ZRSR2: variants seen among roughly 807,000 people sequenced by gnomAD.
ZRSR2 encodes U2 small nuclear ribonucleoprotein auxiliary factor 35 kDa subunit-related protein 2.
A neutral mutation model predicts 39.4 loss-of-function variants in ZRSR2; 3 were observed. The observed-to-expected ratio is 0.08, with a 90% CI of 0.03 to 0.20. The LOEUF (loss-of-function observed/expected upper bound fraction) is 0.20, where lower values mean the gene tolerates loss of function less well. Ranked by LOEUF, ZRSR2 falls within the 10% of genes least tolerant of loss-of-function variation. ZRSR2 has a pLI of 1.00. For synonymous variants in ZRSR2, 137 were observed against 136.0 expected, an observed-to-expected ratio of 1.01 and a Z score of -0.05; for missense variants, 256 against 391.5, an observed-to-expected ratio of 0.65 and a Z score of 2.92.
intron 2 of ZRSR2, among the ~76,000 whole-genome samples, chrX:15,791,752 G>A (rs1396789373): frequency 2.8e-5 from 3 of 106,965 alleles, no homozygotes; most frequent in Admixed American, 1.0e-4. Context: ...CGCCCCCTGG[G>A]TTCAAGCAGT....
intron 7 of ZRSR2, among the ~76,000 whole-genome samples, chrX:15,815,436 A>G (rs1412168231): frequency 8.9e-6 from 1 of 112,349 alleles, no homozygotes; most frequent in African/African-American, 3.2e-5. Flanking sequence ...AGCTGGGATT[A>G]TAGGCACTAC....
chrX:15,807,370 A>G (rs1932805672), intron 5 of ZRSR2, among the ~76,000 whole-genome samples: 1 of 109,318 alleles, frequency 9.1e-6, no homozygotes, highest in African/African-American at 3.3e-5. Flanking sequence ...GCTCACTGCA[A>G]CCTCTGCCTC....
At chrX:15,803,345 A>C (rs1347421238) in intron 3 of ZRSR2, among the ~76,000 whole-genome samples, 1 of 111,833 alleles carries the variant, frequency 8.9e-6, no homozygotes, top group East Asian at 2.8e-4. Context: ...TGCTGCTTTG[A>C]AACTTGCTAC....
In ZRSR2 at chrX:15,822,867, G is replaced by C. The variant is rs764350747; in HGVS notation, c.1074G>C (p.Gly358=). 6 of 1,211,061 alleles carry C rather than the reference G, an allele frequency of 5.0e-6. No individual in the cohort carries two copies. Among genetic ancestry groups the C allele is most frequent in the African/African-American group, 3.5e-5 (2 of 57,481 alleles). ...CAGATCGGACTGGCTCCTCCTTTGGGAAGAACTCCGAAAGGAGGGAGAGGA... is the reference window on the plus strand; with the variant it reads ...CAGATCGGACTGGCTCCTCCTTTGGCAAGAACTCCGAAAGGAGGGAGAGGA... ...LSPDRTGSSF[G]KNSERRERMG... is the part of the protein sequence containing the mutation. Residue 358 remains glycine (G), a synonymous_variant, in exon 11 of 11, where the codon GGG becomes GGC. Transcript: ENST00000307771.
At chrX:15,807,440 C>T (rs143041783) in intron 5 of ZRSR2, among the ~76,000 whole-genome samples, 1,900 of 108,997 alleles carry the variant, frequency 0.017, 37 homozygotes, top group African/African-American at 0.061. Context: ...CAGGCACGTG[C>T]CACCACACCT....
chrX:15,796,381 G>A (rs912952648), intron 2 of ZRSR2, among the ~76,000 whole-genome samples: 3 of 112,347 alleles, frequency 2.7e-5, no homozygotes, highest in Middle Eastern at 4.2e-3. Flanking sequence ...GATGAGTAGT[G>A]TCACAAGGTG....
intron 1 of ZRSR2, 147 bp downstream of exon 1, chrX:15,790,683 C>G (rs1351315174): frequency 1.2e-6 from 1 of 860,334 alleles, no homozygotes; most frequent in African/African-American, 2.1e-5. Flanking sequence ...CTGGTGCCCT[C>G]CCCGGACTTG....
At chrX:15,804,892 A>T (rs1156356986) in intron 5 of ZRSR2, among the ~76,000 whole-genome samples, 3 of 105,066 alleles carry the variant, frequency 2.9e-5, no homozygotes, top group East Asian at 6.1e-4. Flanking sequence ...AAAAAAAAAA[A>T]TCTGTGAGGC....
chrX:15,812,522 GGTT>G (rs1357758093), intron 7 of ZRSR2, among the ~76,000 whole-genome samples: 5 of 111,745 alleles, frequency 4.5e-5, no homozygotes, highest in Non-Finnish European at 9.4e-5. Context: ...TTCTTTGGCT[GGTT>G]GTTTTTGTAA....
chrX:15,812,608 AT>A (rs1932904175), intron 7 of ZRSR2, among the ~76,000 whole-genome samples: 1 of 111,813 alleles, frequency 8.9e-6, no homozygotes. Flanking sequence ...AGGGGAATCT[AT>A]TTGTTTTTCT....
In ZRSR2 at chrX:15,803,706, G is replaced by A. The variant is rs760476569; in HGVS notation, c.222G>A (p.Glu74=). 1 of 1,203,689 alleles carries A rather than the reference G, an allele frequency of 8.3e-7. No homozygotes were observed. Among genetic ancestry groups the A allele is most frequent in the African/African-American group, 1.7e-5 (1 of 57,516 alleles). ...LERERQRLHE[E]WLLREQKAQE... is the part of the protein sequence containing the mutation. The stretch of plus-strand genomic sequence containing the variant: ...CTGATAGGCAAAGATTACATGAGGA[G>A]TGGTTGCTAAGAGAGCAGAAGGCAC... Residue 74 remains glutamate (E), a synonymous_variant, in exon 4 of 11, where the codon GAG becomes GAA. Coordinates refer to ENST00000307771, the MANE Select transcript of ZRSR2 (RefSeq NM_005089.4).
chrX:15,790,657 C>T (rs756291364), intron 1 of ZRSR2, 121 bp downstream of exon 1: 3 of 982,374 alleles, frequency 3.1e-6, no homozygotes, highest in South Asian at 4.4e-5. Context: ...AGCTCCATTC[C>T]TTCCTGGTGC....
rs765466884 is a variant in ZRSR2 at position 15,799,960 on chromosome X, G to A, written c.203+7G>A. On this transcript the variant is annotated splice_region_variant and intron_variant, in intron 3 of 10. Transcript: ENST00000307771. ...AGCTATTGGAAAGAGAGAGGTCAGT[G>A]CTAATTGAAACACTTAAAGTGAATG... 1 of 1,152,194 alleles carries A rather than the reference G, an allele frequency of 8.7e-7. No individual in the cohort carries two copies. The highest frequency in any genetic ancestry group is 1.9e-5 in the South Asian group (1 of 52,707). The allele number at this position is 1,152,194 out of a possible 1,213,427, so 95.0% of individuals were successfully genotyped here.
chrX:15,798,341 G>GT (rs907838444), intron 2 of ZRSR2, among the ~76,000 whole-genome samples: 2 of 111,233 alleles, frequency 1.8e-5, no homozygotes, highest in Admixed American at 1.9e-4. Context: ...ATTAAAAGTT[G>GT]TTTTTTCATG....
intron 7 of ZRSR2, among the ~76,000 whole-genome samples, chrX:15,811,683 C>T (rs1932885713): frequency 8.9e-6 from 1 of 111,879 alleles, no homozygotes; most frequent in South Asian, 3.7e-4. Context: ...GCCTCGGCCT[C>T]CCAAAGTGCT....
chrX:15,818,784 T>C (rs1258377485), intron 9 of ZRSR2, 142 bp downstream of exon 9: 5 of 537,327 alleles, frequency 9.3e-6, no homozygotes, highest in Non-Finnish European at 2.8e-6. Context: ...TGTTTTTTTC[T>C]TTTGAGACGG....
chrX:15,811,191 C>T (rs187049684), intron 7 of ZRSR2, among the ~76,000 whole-genome samples: 54 of 111,793 alleles, frequency 4.8e-4, no homozygotes, highest in South Asian at 2.6e-3. Flanking sequence ...CAGATATCCA[C>T]TTTATCTAAA....
chrX:15,793,002 T>C (rs1932331458), intron 2 of ZRSR2, among the ~76,000 whole-genome samples: 1 of 112,081 alleles, frequency 8.9e-6, no homozygotes, highest in Admixed American at 9.5e-5. Context: ...AGGAGCAGTG[T>C]GTTTAACTGC....
At chrX:15,793,907 T>C (rs1176786986) in intron 2 of ZRSR2, among the ~76,000 whole-genome samples, 2 of 112,255 alleles carry the variant, frequency 1.8e-5, no homozygotes, top group African/African-American at 3.2e-5. Flanking sequence ...GAATGTTGAG[T>C]GTAACTATGA....
Sources: allele counts gnomAD v4.1 joint callset (sites outside exome capture counted in the v4.1 genomes callset), GRCh38; gene constraint gnomAD v4.1.1; transcripts MANE v1.5; gene names NCBI Gene and HGNC (gene_info 2026-07-23, HGNC 2026-07-21).